Variants in MCM9 observed in about 807,000 individuals in gnomAD.
MCM9 encodes the protein minichromosome maintenance 9 homologous recombination repair factor.
MCM9 carries 55 observed loss-of-function variants against 72.8 expected under a neutral mutation model. The ratio of observed to expected loss-of-function variants is 0.76; its 90% CI spans 0.61 to 0.95. The LOEUF is 0.95. MCM9 is among the 40% of genes least tolerant of loss of function. MCM9 has a pLI of 0.00. For synonymous variants in MCM9, 480 were observed against 503.4 expected (o/e 0.95, Z 0.62); for missense variants, 1,279 against 1,377.0 (o/e 0.93, Z 1.13).
At chr6:118,834,213 G>C (rs570924263) in intron 9 of MCM9, among the ~76,000 whole-genome samples, 2 of 152,328 alleles carry the variant, frequency 1.3e-5, no homozygotes, top group East Asian at 3.9e-4. Flanking sequence ...TGGCTGCATA[G>C]TATTCCGTGG....
In MCM9 at chr6:118,898,698, G is replaced by A. The variant is rs145354116; in HGVS notation, c.1150+12952C>T. ...CTCCCACAATGCTGGGATTACAGGC[G>A]TGAGCCACTGCGCCCAGCCACTCTA... On this transcript the variant is annotated intron_variant, in intron 8 of 13. Transcript: ENST00000619706. Among the ~76,000 whole-genome samples the A allele has an allele frequency of 9.8e-5, 15 of 152,296 alleles. No homozygotes were observed. The East Asian group carries it at 2.5e-3, about 25-fold the overall frequency.
chr6:118,871,925 A>G (rs1777625322), intron 8 of MCM9, among the ~76,000 whole-genome samples: 1 of 152,188 alleles, frequency 6.6e-6, no homozygotes, highest in South Asian at 2.1e-4. Flanking sequence ...ACAAACAAAC[A>G]AACAAAAGAC....
At chr6:118,828,900 C>T in intron 10 of MCM9, 148 bp downstream of exon 10, 1 of 784,594 alleles carries the variant, frequency 1.3e-6, no homozygotes, top group Non-Finnish European at 2.0e-6. Context: ...TAAGTGGCTC[C>T]TCTCACTGCT....
intron 8 of MCM9, among the ~76,000 whole-genome samples, chr6:118,878,237 T>C (rs957653852): frequency 6.6e-6 from 1 of 151,926 alleles, no homozygotes; most frequent in Non-Finnish European, 1.5e-5. Context: ...AAGATAATAC[T>C]GATCAAAAAA....
chr6:118,847,414 T>C (rs1775937747), intron 9 of MCM9, among the ~76,000 whole-genome samples: 1 of 81,386 alleles, frequency 1.2e-5, no homozygotes, highest in African/African-American at 5.2e-5. Flanking sequence ...ATGTGCCCCA[T>C]GAATCTTCAA....
intron 3 of MCM9, among the ~76,000 whole-genome samples, chr6:118,930,151 C>T (rs1288497190): frequency 1.8e-4 from 27 of 151,740 alleles, no homozygotes; most frequent in Admixed American, 1.5e-3. Context: ...CGCTCTGTTG[C>T]CCAGGCTGGA....
chr6:118,929,092 T>C (rs1450834740), intron 3 of MCM9, among the ~76,000 whole-genome samples: 1 of 152,020 alleles, frequency 6.6e-6, no homozygotes, highest in Non-Finnish European at 1.5e-5. Context: ...TGGTGGCACA[T>C]GCCTGTAATC....
At position 118,900,699 on chromosome 6, in the gene MCM9, G is replaced by T; in HGVS notation, c.1150+10951C>A. 4 of 1,124,356 alleles carry T rather than the reference G, an allele frequency of 3.6e-6. 1 individual carries two copies. In the South Asian group the frequency reaches 5.0e-5, roughly 14 times the overall value. 69.6% of individuals were successfully genotyped at this position (1,124,356 alleles called of 1,614,324 possible). A position where few individuals can be genotyped will look rare whatever the true frequency, so the allele number is the denominator to read the frequency against. ...TAAGTGGCTAAGTGGACATTAAAAG[G>T]GTCTTTGATGTCATCTGGTAATGTA... On this transcript the variant is annotated intron_variant, in intron 8 of 13. Transcript: ENST00000619706.
At chr6:118,903,589 GAA>G (rs530169753) in intron 8 of MCM9, among the ~76,000 whole-genome samples, 2 of 152,128 alleles carry the variant, frequency 1.3e-5, no homozygotes, top group Non-Finnish European at 2.9e-5. Context: ...CATAAAAAAG[GAA>G]TCTATTGATT....
intron 8 of MCM9, among the ~76,000 whole-genome samples, chr6:118,857,626 C>CAAAAAAAAAAAAA (rs1203197065): frequency 4.2e-5 from 3 of 70,964 alleles, no homozygotes; most frequent in African/African-American, 5.6e-5. Flanking sequence ...CCAGACTGAC[C>CAAAAAAAAAAAAA]AAAAAAAAAA....
chr6:118,826,316 G>A, intron 12 of MCM9, 24 bp from the exon 13 acceptor site: 1 of 1,544,190 alleles, frequency 6.5e-7, no homozygotes. Context: ...AAAATACCAG[G>A]AGAGTCACCA....
chr6:118,905,626 TTTC>T (rs1181314050), intron 8 of MCM9: 1 of 1,568,092 alleles, frequency 6.4e-7, no homozygotes, highest in East Asian at 2.3e-5. Flanking sequence ...TGTGTGTGTG[TTTC>T]TTTTCTTTTT....
intron 13 of MCM9, among the ~76,000 whole-genome samples, chr6:118,822,272 C>G (rs1419069404): frequency 6.6e-6 from 1 of 152,174 alleles, no homozygotes; most frequent in Non-Finnish European, 1.5e-5. Flanking sequence ...TACCTTTGAT[C>G]TTTGAGCTGA....
intron 6 of MCM9, among the ~76,000 whole-genome samples, chr6:118,913,908 G>A (rs1016829204): frequency 2.0e-5 from 3 of 152,050 alleles, no homozygotes; most frequent in Non-Finnish European, 4.4e-5. Flanking sequence ...ATGAGCCACC[G>A]TATGTACTTT....
At chr6:118,900,000 A>G (rs1288273651) in intron 8 of MCM9, among the ~76,000 whole-genome samples, 2 of 152,262 alleles carry the variant, frequency 1.3e-5, no homozygotes, top group Admixed American at 1.3e-4. Context: ...CACAGAACAC[A>G]TTGTAAAACA....
chr6:118,886,969 A>G (rs909721360), intron 8 of MCM9, among the ~76,000 whole-genome samples: 2 of 152,184 alleles, frequency 1.3e-5, no homozygotes, highest in African/African-American at 4.8e-5. Context: ...TATCTCAAAA[A>G]AAGAAAGAAG....
intron 8 of MCM9, among the ~76,000 whole-genome samples, chr6:118,867,040 G>C (rs772478095): frequency 2.4e-4 from 36 of 148,718 alleles, no homozygotes; most frequent in Admixed American, 6.7e-4. Flanking sequence ...CATCCTAAAA[G>C]GAAAAAAAAA....
chr6:118,863,075 A>G (rs1232822344), intron 8 of MCM9, among the ~76,000 whole-genome samples: 1 of 152,230 alleles, frequency 6.6e-6, no homozygotes, highest in Non-Finnish European at 1.5e-5. Context: ...AAAAAACCTG[A>G]AAGATAAAAA....
intron 8 of MCM9, among the ~76,000 whole-genome samples, chr6:118,886,692 C>T (rs541163950): frequency 1.3e-5 from 2 of 152,208 alleles, no homozygotes; most frequent in African/African-American, 4.8e-5. Context: ...TAGTGGCTCA[C>T]GCTGTAATCT....
Sources: allele counts gnomAD v4.1 joint callset (sites outside exome capture counted in the v4.1 genomes callset), GRCh38; gene constraint gnomAD v4.1.1; transcripts MANE v1.5; gene names NCBI Gene and HGNC (gene_info 2026-07-23, HGNC 2026-07-21).